Variants in MACROD2 observed in about 807,000 individuals in gnomAD.
MACROD2 encodes the protein mono-ADP ribosylhydrolase 2.
MACROD2 carries 36 observed loss-of-function variants against 70.4 expected under a neutral mutation model. The ratio of observed to expected loss-of-function variants is 0.51; its 90% confidence interval spans 0.39 to 0.68. The LOEUF (loss-of-function observed/expected upper bound fraction) is 0.68, where lower values mean the gene tolerates loss of function less well. Ranked by LOEUF, MACROD2 falls within the 30% of genes least tolerant of loss-of-function variation. MACROD2 has a pLI of 0.00. For synonymous variants in MACROD2, 172 were observed against 178.8 expected, an observed-to-expected ratio of 0.96 and a Z score of 0.30; for missense variants, 496 against 538.4, an observed-to-expected ratio of 0.92 and a Z score of 0.78.
intron 8 of MACROD2, among the ~76,000 whole-genome samples, chr20:15,514,528 T>A (rs1019273733): frequency 6.6e-6 from 1 of 152,204 alleles, no homozygotes; most frequent in Non-Finnish European, 1.5e-5. Flanking sequence ...ATAACCTAGG[T>A]GTGTGGTAGT....
intron 5 of MACROD2, among the ~76,000 whole-genome samples, chr20:14,881,773 C>G (rs991243853): frequency 3.8e-4 from 58 of 152,218 alleles, no homozygotes; most frequent in African/African-American, 1.3e-3. Context: ...CACCTTTTCC[C>G]AGAACCAGGG....
intron 5 of MACROD2, among the ~76,000 whole-genome samples, chr20:14,821,087 C>G (rs556907038): frequency 6.6e-6 from 1 of 152,160 alleles, no homozygotes; most frequent in South Asian, 2.1e-4. Context: ...GGCAGTTTTC[C>G]AGTCTTGCTA....
At chr20:14,849,535 C>A (rs1369070773) in intron 5 of MACROD2, among the ~76,000 whole-genome samples, 1 of 152,132 alleles carries the variant, frequency 6.6e-6, no homozygotes, top group African/African-American at 2.4e-5. Context: ...AATCCTAGCA[C>A]TTTGGGAGGC....
chr20:14,012,315 CAT>C (rs2052922313), intron 2 of MACROD2, among the ~76,000 whole-genome samples: 1 of 152,208 alleles, frequency 6.6e-6, no homozygotes, highest in Non-Finnish European at 1.5e-5. Context: ...TTTAAGTTGT[CAT>C]ATAATGACTT....
chr20:15,608,651 A>C (rs906529115), intron 8 of MACROD2, among the ~76,000 whole-genome samples: 2 of 152,132 alleles, frequency 1.3e-5, no homozygotes, highest in African/African-American at 4.8e-5. Context: ...ACTCCTCCCT[A>C]ATAGGCTACT....
chr20:15,862,870 A>C (rs1297098312), intron 9 of MACROD2, 44 bp downstream of exon 9: 1 of 1,442,072 alleles, frequency 6.9e-7, no homozygotes, highest in Non-Finnish European at 9.7e-7. Flanking sequence ...TGAGGATGGA[A>C]GAAGTGGAGC....
chr20:14,294,879 G>A (rs180737755), intron 3 of MACROD2, among the ~76,000 whole-genome samples: 1 of 151,580 alleles, frequency 6.6e-6, no homozygotes, highest in Non-Finnish European at 1.5e-5. Flanking sequence ...TACCATACCT[G>A]GCAATTTTAT....
At chr20:14,393,912 C>T (rs528218562) in intron 3 of MACROD2, among the ~76,000 whole-genome samples, 2 of 152,242 alleles carry the variant, frequency 1.3e-5, no homozygotes, top group East Asian at 1.9e-4. Context: ...GACACCAGAG[C>T]TTTCCTTCTC....
intron 5 of MACROD2, among the ~76,000 whole-genome samples, chr20:14,812,485 G>C (rs1462836894): frequency 6.6e-6 from 1 of 151,828 alleles, no homozygotes; most frequent in East Asian, 1.9e-4. Context: ...CGGGATGCTA[G>C]GTGCAGCAAA....
intron 8 of MACROD2, among the ~76,000 whole-genome samples, chr20:15,613,534 A>G (rs2048998551): frequency 6.6e-6 from 1 of 152,236 alleles, no homozygotes; most frequent in Non-Finnish European, 1.5e-5. Flanking sequence ...CTGCATTAGC[A>G]TGTGGTGTTT....
intron 3 of MACROD2, among the ~76,000 whole-genome samples, chr20:14,376,933 C>G (rs2083377605): frequency 6.6e-6 from 1 of 151,990 alleles, no homozygotes; most frequent in Non-Finnish European, 1.5e-5. Context: ...AATATTAATA[C>G]TAAATTTGAA....
rs183467823 is a variant in MACROD2 at position 15,317,298 on chromosome 20, A to G, written c.540+87237A>G. On this transcript the variant is annotated intron_variant, in intron 6 of 17. Transcript: ENST00000684519. ...CCCCTGACTAAACGAAAATGGTGAT[A>G]TTTCTATAGACCTACAACAAAAATA... 4.6e-5 allele frequency among the ~76,000 whole-genome samples: 7 copies of G among 152,230 alleles called. No individual in the cohort carries two copies. The East Asian group carries it at 1.4e-3, about 29-fold the overall frequency.
intron 5 of MACROD2, among the ~76,000 whole-genome samples, chr20:14,890,951 T>TTTCCTTCCTTCCTTCCTTCCTTCC (rs372577604): frequency 2.5e-4 from 26 of 105,760 alleles, no homozygotes; most frequent in African/African-American, 4.8e-4. Context: ...TCTTTCTCTT[T>TTTCCTTCCTTCCTTCCTTCCTTCC]TTCCTTCCTT....
chr20:15,576,663 A>T (rs2048452728), intron 8 of MACROD2, among the ~76,000 whole-genome samples: 1 of 151,930 alleles, frequency 6.6e-6, no homozygotes, highest in Non-Finnish European at 1.5e-5. Context: ...AACAGATCCC[A>T]AGATAGAGTG....
intron 5 of MACROD2, among the ~76,000 whole-genome samples, chr20:14,820,067 G>C (rs1168372948): frequency 6.6e-6 from 1 of 152,106 alleles, no homozygotes; most frequent in Admixed American, 6.6e-5. Flanking sequence ...GGACAGAGTA[G>C]ATTTCTTTGA....
intron 6 of MACROD2, among the ~76,000 whole-genome samples, chr20:15,385,125 T>G (rs73107057): frequency 0.044 from 6,731 of 152,126 alleles, 187 homozygotes; most frequent in Middle Eastern, 0.11. Context: ...ACACAGTGGG[T>G]GGGGCAGTGG....
At chr20:15,556,109 A>T (rs1340952913) in intron 8 of MACROD2, among the ~76,000 whole-genome samples, 1 of 152,160 alleles carries the variant, frequency 6.6e-6, no homozygotes, top group Non-Finnish European at 1.5e-5. Context: ...TAGAGAAGGA[A>T]AATTAAAATG....
intron 3 of MACROD2, among the ~76,000 whole-genome samples, chr20:14,269,655 T>C (rs895802003): frequency 6.6e-6 from 1 of 152,210 alleles, no homozygotes; most frequent in Non-Finnish European, 1.5e-5. Context: ...TCTTTGGATT[T>C]AATTATACAA....
intron 7 of MACROD2, among the ~76,000 whole-genome samples, chr20:15,463,578 C>T (rs11905833): frequency 0.035 from 5,340 of 151,984 alleles, 304 homozygotes; most frequent in African/African-American, 0.12. Flanking sequence ...GGTGAAACCC[C>T]GTCTCTACTA....
Sources: allele counts gnomAD v4.1 joint callset (sites outside exome capture counted in the v4.1 genomes callset), GRCh38; gene constraint gnomAD v4.1.1; transcripts MANE v1.5; gene names NCBI Gene and HGNC (gene_info 2026-07-23, HGNC 2026-07-21).